The following ASCC3 variants were observed in gnomAD, a reference collection of about 807,000 sequenced individuals.
ASCC3 encodes the protein activating signal cointegrator 1 complex subunit 3, also known as ASC-1 complex subunit P200.
ASCC3 carries 158 observed loss-of-function variants against 256.3 expected under a neutral mutation model. The observed-to-expected ratio is 0.62, with a 90% CI of 0.54 to 0.70. The LOEUF is 0.70. ASCC3 is among the 30% of genes least tolerant of loss of function. The pLI is 0.00. For synonymous variants in ASCC3, 948 were observed against 883.4 expected, an observed-to-expected ratio of 1.07 and a Z score of -1.30; for missense variants, 2,259 against 2,626.0, an observed-to-expected ratio of 0.86 and a Z score of 3.05.
chr6:100,798,980 A>G (rs958072665), intron 7 of ASCC3, 142 bp from the exon 8 acceptor site: 1 of 780,278 alleles, frequency 1.3e-6, no homozygotes, highest in Non-Finnish European at 1.9e-6. Context: ...TTAAAAGAAA[A>G]CAAACTTAAA....
chr6:100,800,942 C>A (rs960477343), intron 5 of ASCC3, among the ~76,000 whole-genome samples: 2 of 151,800 alleles, frequency 1.3e-5, no homozygotes, highest in Non-Finnish European at 2.9e-5. Context: ...AGACCTTATG[C>A]GGTTAAGTTG....
chr6:100,634,179 A>C (rs1362149498), intron 25 of ASCC3, among the ~76,000 whole-genome samples: 1 of 152,216 alleles, frequency 6.6e-6, no homozygotes, highest in Non-Finnish European at 1.5e-5. Flanking sequence ...TGATACATAT[A>C]ATGTATAGTG....
In ASCC3 at chr6:100,662,037, G is replaced by A. The variant is rs780538237; in HGVS notation, c.2479-7C>T. Reference sequence around the variant, plus strand: ...CAGCATATATTTGTGTTCCCTAGATGAGGAAAAGTTAACAAAAATTTACAT... The same window carrying A: ...CAGCATATATTTGTGTTCCCTAGATAAGGAAAAGTTAACAAAAATTTACAT... On this transcript the variant is annotated splice_polypyrimidine_tract_variant and splice_region_variant and intron_variant, in intron 15 of 41. Coordinates refer to ENST00000369162, the MANE Select transcript of ASCC3 (RefSeq NM_006828.4). 3.7e-6 allele frequency: 6 copies of A among 1,611,578 alleles called. No individual in the cohort carries two copies. The highest frequency in any genetic ancestry group is 5.1e-6 in the Non-Finnish European group (6 of 1,178,440).
At chr6:100,837,141 A>G (rs1392201591) in intron 4 of ASCC3, among the ~76,000 whole-genome samples, 3 of 152,114 alleles carry the variant, frequency 2.0e-5, no homozygotes, top group African/African-American at 7.2e-5. Flanking sequence ...ATCACTAATC[A>G]TCAGGGAAAT....
rs919712089 is a variant in ASCC3 at position 100,798,763 on chromosome 6, T to A, written c.1345A>T (p.Met449Leu). Residue 449 changes from methionine (M) to leucine (L), a missense_variant, in exon 8 of 42, where the codon ATG becomes TTG. Around this residue, in one of 2 missense-constraint regions of ASCC3, gnomAD observed 1,839 missense variants for 2,206.7 expected, o/e 0.83. Coordinates refer to ENST00000369162, the MANE Select transcript of ASCC3 (RefSeq NM_006828.4). ...GGCTTTTCCTCAAAGCTGAGTGGCATTGGTTCGCTGTAGGGAATCCTTACT... is the reference window on the plus strand; with the variant it reads ...GGCTTTTCCTCAAAGCTGAGTGGCAATGGTTCGCTGTAGGGAATCCTTACT... Reference protein sequence around the residue: ...EEVRIPYSEPMPLSFEEKPVY... With the variant: ...EEVRIPYSEPLPLSFEEKPVY... The A allele has an allele frequency of 2.5e-6, 4 of 1,613,088 alleles. No homozygotes were observed. Among genetic ancestry groups the A allele is most frequent in the African/African-American group, 2.7e-5 (2 of 74,902 alleles).
At chr6:100,602,138 T>A (rs1245510129) in intron 33 of ASCC3, among the ~76,000 whole-genome samples, 1 of 152,076 alleles carries the variant, frequency 6.6e-6, no homozygotes, top group Non-Finnish European at 1.5e-5. Context: ...GGTTCCAACA[T>A]ACTTTAACCA....
intron 11 of ASCC3, among the ~76,000 whole-genome samples, chr6:100,724,404 A>T (rs1262789574): frequency 6.6e-6 from 1 of 151,914 alleles, no homozygotes; most frequent in African/African-American, 2.4e-5. Context: ...TTGAATTGAG[A>T]TTAATATTTC....
At chr6:100,672,157 C>T (rs1345761069) in intron 14 of ASCC3, among the ~76,000 whole-genome samples, 18 of 151,976 alleles carry the variant, frequency 1.2e-4, no homozygotes, top group Admixed American at 1.2e-3. Context: ...TCAATTTTTT[C>T]TTAGCACTTT....
intron 24 of ASCC3, among the ~76,000 whole-genome samples, chr6:100,640,718 T>C (rs1775081673): frequency 2.0e-5 from 3 of 152,172 alleles, no homozygotes; most frequent in Admixed American, 2.0e-4. Flanking sequence ...TACTACAATC[T>C]CATTATTTTT....
In ASCC3 at chr6:100,584,319, T is replaced by A. The variant is rs548477621; in HGVS notation, c.5550+5315A>T. Among the ~76,000 whole-genome samples, 6 of 151,792 alleles carry A rather than the reference T, an allele frequency of 4.0e-5. No individual in the cohort carries two copies. The South Asian group carries it at 1.2e-3, about 32-fold the overall frequency. ...AGGATAGTTAGCTCTTCTTGTTGAA[T>A]TGATCCCTTTACCATTATGTAATGG... is the stretch of plus-strand genomic sequence containing the variant. On this transcript the variant is annotated intron_variant, in intron 36 of 41. Coordinates refer to ENST00000369162, the MANE Select transcript of ASCC3 (RefSeq NM_006828.4).
At chr6:100,869,019 T>A (rs1166607940) in intron 1 of ASCC3, among the ~76,000 whole-genome samples, 2 of 152,218 alleles carry the variant, frequency 1.3e-5, no homozygotes, top group Non-Finnish European at 2.9e-5. Context: ...TATCTACAGA[T>A]CTATAAGGCA....
At chr6:100,844,284 G>T (rs1772287272) in intron 4 of ASCC3, among the ~76,000 whole-genome samples, 2 of 151,138 alleles carry the variant, frequency 1.3e-5, no homozygotes, top group East Asian at 3.9e-4. Context: ...TTATAAAGAG[G>T]ATATCACTCC....
intron 4 of ASCC3, among the ~76,000 whole-genome samples, chr6:100,826,084 A>AT (rs1173354510): frequency 6.6e-6 from 1 of 151,758 alleles, no homozygotes; most frequent in Non-Finnish European, 1.5e-5. Flanking sequence ...TTTGGTTTTA[A>AT]TTTTTTTTCC....
At position 100,555,676 on chromosome 6, in the gene ASCC3, TA is replaced by T. The variant is rs1323498483; in HGVS notation, c.5551-15290del. 7.2e-5 allele frequency among the ~76,000 whole-genome samples: 11 copies of T among 152,286 alleles called. No homozygotes were observed. In the South Asian group the frequency reaches 2.3e-3, roughly 32 times the overall value. The stretch of plus-strand genomic sequence containing the variant: ...AAAATTCCTGTTTTAAAGGCTACAA[TA>T]AAAATGCCTTACAGCTTAACAATGT... On this transcript the variant is annotated intron_variant, in intron 36 of 41. Coordinates refer to ENST00000369162, the MANE Select transcript of ASCC3 (RefSeq NM_006828.4).
Position 100,510,006 on chromosome 6 carries a change from A to G in ASCC3, c.6387T>C (p.Ala2129=). Residue 2129 remains alanine, a synonymous_variant, in exon 41 of 42, where the codon GCT becomes GCC. Transcript: ENST00000369162. ...LGEVDKRELI[A]LKRVGYIRNH... ...TTCGAATATATCCTACTCTTTTCAA[A>G]GCAATAAGTTCTCTCTTATCCACTT... 1.2e-6 allele frequency: 2 copies of G among 1,614,188 alleles called. No individual in the cohort carries two copies. The highest frequency in any genetic ancestry group is 1.1e-5 in the South Asian group (1 of 91,086).
chr6:100,565,338 TA>T (rs1288559048), intron 36 of ASCC3, among the ~76,000 whole-genome samples: 1 of 152,160 alleles, frequency 6.6e-6, no homozygotes, highest in African/African-American at 2.4e-5. Flanking sequence ...CCCAAGTTCC[TA>T]ATTCAAAGAA....
At chr6:100,622,897 A>G (rs1293167749) in intron 30 of ASCC3, among the ~76,000 whole-genome samples, 1 of 152,064 alleles carries the variant, frequency 6.6e-6, no homozygotes, top group African/African-American at 2.4e-5. Flanking sequence ...AAAATTAACA[A>G]CAACAACAAA....
chr6:100,561,400 C>T (rs1367447319), intron 36 of ASCC3, among the ~76,000 whole-genome samples: 1 of 152,040 alleles, frequency 6.6e-6, no homozygotes, highest in Non-Finnish European at 1.5e-5. Flanking sequence ...TACGTAGAAA[C>T]TTCATTAACA....
intron 36 of ASCC3, among the ~76,000 whole-genome samples, chr6:100,543,624 TCATTAACTA>T (rs1775570274): frequency 1.3e-5 from 2 of 151,982 alleles, no homozygotes; most frequent in African/African-American, 4.8e-5. Context: ...GACGGTAACT[TCATTAACTA>T]TAAAGGAGTC....
Sources: gnomAD v4.1 joint callset for allele counts (sites outside exome capture counted in the v4.1 genomes callset) on GRCh38, gnomAD v4.1.1 for gene constraint, gnomAD v4.1.1 regional missense constraint, MANE v1.5 for transcripts, NCBI Gene and HGNC (gene_info 2026-07-23, HGNC 2026-07-21) for gene names.